The following PTPRN2 variants were observed in gnomAD, a reference collection of about 807,000 sequenced individuals.
PTPRN2 encodes protein tyrosine phosphatase receptor type N2.
Under a neutral mutation model 118.8 loss-of-function variants are expected in PTPRN2, and 74 were observed. The ratio of observed to expected loss-of-function variants is 0.62; its 90% CI spans 0.52 to 0.76. The LOEUF is 0.76. PTPRN2 is among the 30% of genes least tolerant of loss of function. The pLI, the probability that PTPRN2 is intolerant of heterozygous loss-of-function variation, is 0.00. For synonymous variants in PTPRN2, 641 were observed against 608.0 expected (o/e 1.05, Z -0.80); for missense variants, 1,481 against 1,394.4 (o/e 1.06, Z -0.99).
intron 12 of PTPRN2, among the ~76,000 whole-genome samples, chr7:157,756,939 G>A (rs952260781): frequency 6.6e-6 from 1 of 152,186 alleles, no homozygotes; most frequent in Non-Finnish European, 1.5e-5. Flanking sequence ...AAGTCTTTCT[G>A]CGAAACATGG....
In PTPRN2 at chr7:158,054,426, G is replaced by C. The variant is rs749281643; in HGVS notation, c.1723+26872C>G. On this transcript the variant is annotated intron_variant, in intron 11 of 22. Coordinates refer to ENST00000389418, the MANE Select transcript of PTPRN2 (RefSeq NM_002847.5). ...AGACTGCTGTGTGGGATGGGGGACA[G>C]AGCAAGAGAGGAAGACACGAAGGAA... 2.0e-5 allele frequency among the ~76,000 whole-genome samples: 3 copies of C among 152,368 alleles called. No homozygotes were observed. In the East Asian group the frequency reaches 5.8e-4, roughly 29 times the overall value.
At chr7:158,326,446 A>G (rs1803527345) in intron 2 of PTPRN2, among the ~76,000 whole-genome samples, 1 of 152,254 alleles carries the variant, frequency 6.6e-6, no homozygotes, top group Non-Finnish European at 1.5e-5. Context: ...ATTAATGCAC[A>G]CTTGTACACG....
intron 11 of PTPRN2, among the ~76,000 whole-genome samples, chr7:157,937,670 C>T (rs562209614): frequency 4.6e-5 from 7 of 152,304 alleles, no homozygotes; most frequent in South Asian, 4.1e-4. Context: ...CTGCTGAGAG[C>T]GGGTGCGGCC....
intron 10 of PTPRN2, among the ~76,000 whole-genome samples, chr7:158,081,912 C>T (rs1027153369): frequency 1.3e-5 from 2 of 152,158 alleles, no homozygotes; most frequent in Non-Finnish European, 2.9e-5. Flanking sequence ...ATGTCAACCA[C>T]AATTTTGAAA....
intron 10 of PTPRN2, among the ~76,000 whole-genome samples, chr7:158,083,297 T>A (rs1187125869): frequency 2.6e-5 from 4 of 152,160 alleles, no homozygotes; most frequent in Non-Finnish European, 5.9e-5. Context: ...TTTGGTTGAA[T>A]GGTTTTCTAA....
intron 2 of PTPRN2, among the ~76,000 whole-genome samples, chr7:158,336,313 C>T (rs536292349): frequency 1.4e-5 from 2 of 142,516 alleles, no homozygotes; most frequent in African/African-American, 5.3e-5. Context: ...CACCCACACT[C>T]TCACCATAAG....
intron 12 of PTPRN2, among the ~76,000 whole-genome samples, chr7:157,835,877 A>T (rs759302266): frequency 6.6e-6 from 1 of 151,776 alleles, no homozygotes; most frequent in Admixed American, 6.6e-5. Flanking sequence ...CTTTCTAAAC[A>T]TGAGAGCGAT....
intron 11 of PTPRN2, among the ~76,000 whole-genome samples, chr7:157,911,460 C>T (rs1422744857): frequency 6.6e-6 from 1 of 152,110 alleles, no homozygotes; most frequent in African/African-American, 2.4e-5. Context: ...ATCACGGGCT[C>T]CTGGAAATGA....
intron 12 of PTPRN2, among the ~76,000 whole-genome samples, chr7:157,844,868 C>A (rs751253204): frequency 6.6e-6 from 1 of 152,172 alleles, no homozygotes; most frequent in Non-Finnish European, 1.5e-5. Flanking sequence ...TGTGAGCCTC[C>A]GGGTGCTCGT....
chr7:158,121,065 C>T (rs1817134172), intron 9 of PTPRN2, among the ~76,000 whole-genome samples: 2 of 152,150 alleles, frequency 1.3e-5, no homozygotes, highest in Non-Finnish European at 2.9e-5. Context: ...GCTGCAGGTT[C>T]CTTCCTCCCG....
chr7:157,904,386 G>A (rs746364312), intron 11 of PTPRN2, among the ~76,000 whole-genome samples: 30 of 152,252 alleles, frequency 2.0e-4, no homozygotes, highest in African/African-American at 5.8e-4. Flanking sequence ...CTCCCCTCCC[G>A]TGGCCCTGCA....
chr7:157,797,137 G>A (rs1804921590), intron 12 of PTPRN2, among the ~76,000 whole-genome samples: 1 of 152,132 alleles, frequency 6.6e-6, no homozygotes, highest in African/African-American at 2.4e-5. Context: ...GTGTCATCCC[G>A]GATTTATCAC....
chr7:158,228,833 G>T (rs1828984184), intron 3 of PTPRN2, among the ~76,000 whole-genome samples: 1 of 152,098 alleles, frequency 6.6e-6, no homozygotes, highest in Non-Finnish European at 1.5e-5. Flanking sequence ...ACCTGTTCCT[G>T]CTTCAACCCA....
chr7:157,789,969 G>A (rs532157015), intron 12 of PTPRN2, among the ~76,000 whole-genome samples: 16 of 144,716 alleles, frequency 1.1e-4, no homozygotes, highest in East Asian at 2.2e-4. Flanking sequence ...TGACATGTGC[G>A]TATGGTGGTG....
At chr7:157,829,455 C>T (rs546933304) in intron 12 of PTPRN2, among the ~76,000 whole-genome samples, 1 of 152,318 alleles carries the variant, frequency 6.6e-6, no homozygotes, top group Non-Finnish European at 1.5e-5. Flanking sequence ...CCGTGTGCAC[C>T]GCAGGCCATA....
rs2530413 is a variant in PTPRN2, at chr7:157,671,186, T to C, written c.2001+11539A>G. ...TGTATCGATTCATTCTTATCGAGCATGTAAAGGTCCCCGGTGGGTGCTGTG... is the reference window on the plus strand; with the variant it reads ...TGTATCGATTCATTCTTATCGAGCACGTAAAGGTCCCCGGTGGGTGCTGTG... On this transcript the variant is annotated intron_variant, in intron 13 of 22. Transcript: ENST00000389418. This position sits in a 1 kb window ranked among gnomAD's most constrained non-coding sequence, Gnocchi z 4.1. Among the ~76,000 whole-genome samples the C allele has an allele frequency of 0.62, 93,471 of 151,138 alleles. 29,012 individuals are homozygous for C. Among genetic ancestry groups the C allele is most frequent in the East Asian group, 0.68 (3,481 of 5,104 alleles).
chr7:157,937,159 C>A (rs1585047307), intron 11 of PTPRN2, among the ~76,000 whole-genome samples: 2 of 152,174 alleles, frequency 1.3e-5, no homozygotes, highest in East Asian at 1.9e-4. Flanking sequence ...CCTTCTGCAT[C>A]TGGGCACCTG....
chr7:158,409,373 AGGACCTACCCAGGCATAAGCGT>A (rs982881706), intron 2 of PTPRN2, among the ~76,000 whole-genome samples: 2 of 152,086 alleles, frequency 1.3e-5, no homozygotes, highest in African/African-American at 2.4e-5. Flanking sequence ...AGCTTAGGAG[AGGACCTACCCAGGCATAAGCGT>A]GGACCTACCC....
intron 16 of PTPRN2, among the ~76,000 whole-genome samples, chr7:157,600,821 A>C (rs902185029): frequency 6.6e-6 from 1 of 152,284 alleles, no homozygotes; most frequent in African/African-American, 2.4e-5. Flanking sequence ...TTTTGGTTGT[A>C]AATAACTGAA....
Sources: gnomAD v4.1 joint callset for allele counts (sites outside exome capture counted in the v4.1 genomes callset) on GRCh38, gnomAD v4.1.1 for gene constraint, Gnocchi (gnomAD v3.1) non-coding constraint, MANE v1.5 for transcripts, NCBI Gene and HGNC (gene_info 2026-07-23, HGNC 2026-07-21) for gene names.